The following ADAM9 variants were observed in gnomAD, a reference collection of about 807,000 sequenced individuals.
The protein encoded by ADAM9 is ADAM metallopeptidase domain 9.
Under a neutral mutation model 108.1 loss-of-function variants are expected in ADAM9, and 54 were observed. The observed-to-expected ratio is 0.50, with a 90% CI of 0.40 to 0.63. The LOEUF is 0.63. Ranked by LOEUF, ADAM9 falls within the 20% of genes least tolerant of loss-of-function variation. ADAM9 has a pLI of 0.00. For synonymous variants in ADAM9, 316 were observed against 336.0 expected, an observed-to-expected ratio of 0.94 and a Z score of 0.65; for missense variants, 830 against 997.7, an observed-to-expected ratio of 0.83 and a Z score of 2.26.
chr8:39,089,955 A>G, intron 18 of ADAM9, 92 bp from the exon 19 acceptor site: 1 of 1,302,732 alleles, frequency 7.7e-7, no homozygotes, highest in Non-Finnish European at 1.1e-6. Context: ...TTTTTGAGTA[A>G]TGTGAAAATT....
chr8:39,045,012 A>ATGTGTATATGTGTGTGCACACATACC (rs1837591144), intron 12 of ADAM9, among the ~76,000 whole-genome samples: 1 of 102,152 alleles, frequency 9.8e-6, no homozygotes, highest in Admixed American at 1.0e-4. Context: ...ATACCTATGT[A>ATGTGTATATGTGTGTGCACACATACC]TGTGTATGTG....
chr8:39,042,420 C>A (rs1397299461), intron 12 of ADAM9, among the ~76,000 whole-genome samples: 1 of 152,004 alleles, frequency 6.6e-6, no homozygotes, highest in East Asian at 1.9e-4. Flanking sequence ...TGAATTTCAC[C>A]TGGCTCTTTA....
Position 39,081,228 on chromosome 8 carries a change from C to T in ADAM9, c.1882-1413C>T, listed in dbSNP as rs930620189. Among the ~76,000 whole-genome samples the T allele has an allele frequency of 4.6e-4, 70 of 151,856 alleles. 2 individuals carry two copies. The highest frequency in any genetic ancestry group is 3.9e-3 in the Admixed American group (60 of 15,250). On this transcript the variant is annotated intron_variant, in intron 16 of 21. Coordinates refer to ENST00000487273, the MANE Select transcript of ADAM9 (RefSeq NM_003816.3). ...CCTCCCAAAGTGCTGGGATTACAGG[C>T]GTGAGCCACTGCACCCGGTCCCCAC...
intron 1 of ADAM9, among the ~76,000 whole-genome samples, chr8:39,007,095 TG>T (rs1162689128): frequency 6.6e-6 from 1 of 152,212 alleles, no homozygotes; most frequent in African/African-American, 2.4e-5. Flanking sequence ...CACAGGCATC[TG>T]CTTCTGGTGA....
chr8:39,096,386 A>G (rs949560143), intron 20 of ADAM9, among the ~76,000 whole-genome samples: 3 of 152,152 alleles, frequency 2.0e-5, no homozygotes, highest in Non-Finnish European at 4.4e-5. Context: ...TTATAAATTT[A>G]TAGCAATCTA....
intron 20 of ADAM9, among the ~76,000 whole-genome samples, chr8:39,095,250 C>T (rs1839466983): frequency 6.6e-6 from 1 of 152,128 alleles, no homozygotes; most frequent in Non-Finnish European, 1.5e-5. Flanking sequence ...AGTTGGCCCT[C>T]TGTATATGTG....
rs1269199110 is a variant in ADAM9, at chr8:39,045,433, T to G, written c.1302+3316T>G. Among the ~76,000 whole-genome samples, 27 of 129,286 alleles carry G rather than the reference T, an allele frequency of 2.1e-4. 1 individual carries two copies. The highest frequency in any genetic ancestry group is 7.7e-4 in the African/African-American group (25 of 32,598). The allele number at this position is 129,286 out of a possible 152,430, so 84.8% of individuals were successfully genotyped here. A position where few individuals can be genotyped will look rare whatever the true frequency, so the allele number is the denominator to read the frequency against. On this transcript the variant is annotated intron_variant, in intron 12 of 21. Coordinates refer to ENST00000487273, the MANE Select transcript of ADAM9 (RefSeq NM_003816.3). ...GTGCGCGTGTGTACACACACCTATATGTGCGCGTGTGTACACACACCTATA... is the reference window on the plus strand; with the variant it reads ...GTGCGCGTGTGTACACACACCTATAGGTGCGCGTGTGTACACACACCTATA...
rs113282102 is a variant in ADAM9, at chr8:39,016,708, T to G, written c.411-511T>G. ...GCATGATTGCTTGAACTAAAACATA[T>G]TAGTTCTATATAAGATGAATATGAT... On this transcript the variant is annotated intron_variant, in intron 5 of 21. Coordinates refer to ENST00000487273, the MANE Select transcript of ADAM9 (RefSeq NM_003816.3). 4.5e-3 allele frequency among the ~76,000 whole-genome samples: 689 copies of G among 152,330 alleles called. 7 individuals are homozygous for G. Among genetic ancestry groups the G allele is most frequent in the African/African-American group, 0.016 (659 of 41,576 alleles).
At chr8:39,037,398 TA>T (rs926863780) in intron 11 of ADAM9, among the ~76,000 whole-genome samples, 2 of 148,134 alleles carry the variant, frequency 1.4e-5, no homozygotes, top group African/African-American at 4.9e-5. Context: ...ATGTAATTTA[TA>T]AATATATATT....
intron 5 of ADAM9, among the ~76,000 whole-genome samples, 179 bp downstream of exon 5, chr8:39,016,373 A>G (rs1836526660): frequency 6.6e-6 from 1 of 152,196 alleles, no homozygotes; most frequent in African/African-American, 2.4e-5. Context: ...TTAAGAAAGT[A>G]TTATAGTTGA....
At chr8:39,004,971 A>G (rs1228315893) in intron 1 of ADAM9, among the ~76,000 whole-genome samples, 4 of 152,160 alleles carry the variant, frequency 2.6e-5, no homozygotes, top group African/African-American at 7.2e-5. Flanking sequence ...CTGACCTCCT[A>G]TCTCATTCTG....
At chr8:39,037,580 C>T (rs1837326244) in intron 11 of ADAM9, among the ~76,000 whole-genome samples, 1 of 151,270 alleles carries the variant, frequency 6.6e-6, no homozygotes, top group African/African-American at 2.4e-5. Flanking sequence ...TGTGCACCAC[C>T]ATGCCCAGCT....
At chr8:39,089,023 G>A (rs1377693468) in intron 18 of ADAM9, among the ~76,000 whole-genome samples, 1 of 152,176 alleles carries the variant, frequency 6.6e-6, no homozygotes, top group Non-Finnish European at 1.5e-5. Flanking sequence ...GCCGAGGCGG[G>A]CAGATCATGA....
chr8:39,044,484 G>A (rs557313348), intron 12 of ADAM9, among the ~76,000 whole-genome samples: 1 of 152,126 alleles, frequency 6.6e-6, no homozygotes, highest in Non-Finnish European at 1.5e-5. Context: ...GGGTACATAT[G>A]TATGTTTGTT....
chr8:39,055,754 C>G lies in ADAM9; in HGVS notation c.1573C>G (p.Gln525Glu). 1 of 1,613,382 alleles carries G rather than the reference C, an allele frequency of 6.2e-7. No individual in the cohort carries two copies. Among genetic ancestry groups the G allele is most frequent in the Non-Finnish European group, 8.5e-7 (1 of 1,179,590 alleles). ...GTGCCAGTATTATGATGCTCAATGT[C>G]AAGTCATCTTTGGCTCAAGTAAGAT... ...GMCQYYDAQCQVIFGSKAKAA... is the reference protein window; with the variant it reads ...GMCQYYDAQCEVIFGSKAKAA... Residue 525 changes from glutamine (Q) to glutamate (E), a missense_variant, in exon 14 of 22, where the codon CAA (glutamine) becomes GAA (glutamate). By Grantham distance (29) the Gln-to-Glu change is conservative. Around this residue, in one of 3 missense-constraint regions of ADAM9, gnomAD observed 381 missense variants for 539.8 expected, o/e 0.71. Transcript: ENST00000487273.
rs894152424 is a variant in ADAM9, at chr8:39,104,556, T to G, written c.*856T>G. Reference sequence around the variant, plus strand: ...TAAAGCAGGAGCAATTATAAAATCTTCAATCAATTGAACTTTTACAAAACC... The same window carrying G: ...TAAAGCAGGAGCAATTATAAAATCTGCAATCAATTGAACTTTTACAAAACC... On this transcript the variant is annotated 3_prime_UTR_variant, in exon 22 of 22. Transcript: ENST00000487273. The G allele has an allele frequency of 1.0e-5, 4 of 396,780 alleles. No individual in the cohort carries two copies. In the Admixed American group the frequency reaches 1.3e-4, roughly 13 times the overall value. 24.6% of individuals were successfully genotyped at this position (396,780 alleles called of 1,614,324 possible).
Position 39,042,020 on chromosome 8 carries a change from T to C in ADAM9, c.1205T>C (p.Leu402Pro). Residue 402 changes from leucine (L) to proline (P), a missense_variant, in exon 12 of 22, where the codon CTT (leucine) becomes CCT (proline). Transcript: ENST00000487273. ...KLTLNKGGNC[L>P]LNIPKPDEAY... Reference sequence around the variant, plus strand: ...ACTTTAAATAAAGGAGGAAACTGCCTTCTTAATATTCCAAAGCCTGATGAA... The same window carrying C: ...ACTTTAAATAAAGGAGGAAACTGCCCTCTTAATATTCCAAAGCCTGATGAA... 1.9e-6 allele frequency: 3 copies of C among 1,614,102 alleles called. No homozygotes were observed. The highest frequency in any genetic ancestry group is 2.5e-6 in the Non-Finnish European group (3 of 1,179,950).
At chr8:39,022,089 TGTGTGTGTGA>T (rs1836761946) in intron 8 of ADAM9, among the ~76,000 whole-genome samples, 1 of 150,986 alleles carries the variant, frequency 6.6e-6, no homozygotes, top group African/African-American at 2.5e-5. Context: ...TGTGTGTGTG[TGTGTGTGTGA>T]GAGAGAGAGA....
chr8:39,044,878 ATATATGTATATATATGTGTGTG>A (rs1837568315), intron 12 of ADAM9, among the ~76,000 whole-genome samples: 1 of 143,176 alleles, frequency 7.0e-6, no homozygotes, highest in South Asian at 2.1e-4. Flanking sequence ...ATACATACAT[ATATATGTATATATATGTGTGTG>A]CACACATACA....
Sources: allele counts gnomAD v4.1 joint callset (sites outside exome capture counted in the v4.1 genomes callset), GRCh38; gene constraint gnomAD v4.1.1; regional missense constraint gnomAD v4.1.1; transcripts MANE v1.5; gene names NCBI Gene and HGNC (gene_info 2026-07-23, HGNC 2026-07-21).